TRARG1: variants seen among roughly 807,000 people sequenced by gnomAD.
The protein encoded by TRARG1 is trafficking regulator of GLUT4 1.
TRARG1 carries 16 observed loss-of-function variants against 13.3 expected under a neutral mutation model. The observed-to-expected ratio is 1.20, with a 90% CI of 0.81 to 1.83. The LOEUF is 1.83. Among genes scored for constraint, TRARG1 ranks in the 40% most tolerant of loss-of-function variants. The pLI, the probability that TRARG1 is intolerant of heterozygous loss-of-function variation, is 0.00. For missense variants in TRARG1, 250 were observed against 237.4 expected, an observed-to-expected ratio of 1.05 and a Z score of -0.35; for synonymous variants, 113 against 106.2, an observed-to-expected ratio of 1.06 and a Z score of -0.39.
chr17:1,293,418 GGTTTGATGATGTCACGAGTTGA>G (rs2072087137), intron 1 of TRARG1, among the ~76,000 whole-genome samples: 2 of 152,108 alleles, frequency 1.3e-5, no homozygotes, highest in Non-Finnish European at 2.9e-5. Context: ...GCGTGGGTTG[GGTTTGATGATGTCACGAGTTGA>G]GTTTGATGAT....
chr17:1,299,199 G>A lies in TRARG1; in HGVS notation c.*935G>A, dbSNP rs2150814108. 6.6e-6 allele frequency: 1 copy of A among 152,436 alleles called. No homozygotes were observed. The highest frequency in any genetic ancestry group is 6.5e-5 in the Admixed American group (1 of 15,278). 9.4% of individuals were successfully genotyped at this position (152,436 alleles called of 1,614,324 possible). The stretch of plus-strand genomic sequence containing the variant: ...GTCTGGTGCTGCTTAGGTAGTTTCA[G>A]GCTTCCAGCCCAGCCCTATGCTCTG... On this transcript the variant is annotated 3_prime_UTR_variant, in exon 3 of 3. Transcript: ENST00000333813.
chr17:1,296,860 G>A (rs962907043), intron 2 of TRARG1, among the ~76,000 whole-genome samples: 1 of 151,886 alleles, frequency 6.6e-6, no homozygotes, highest in South Asian at 2.1e-4. Context: ...GGCCAGGCTG[G>A]TCTCGAACTC....
intron 1 of TRARG1, among the ~76,000 whole-genome samples, chr17:1,291,368 C>G (rs2072068238): frequency 6.6e-6 from 1 of 152,210 alleles, no homozygotes; most frequent in African/African-American, 2.4e-5. Flanking sequence ...GCCTCGGCCT[C>G]CCAAACTGCT....
intron 1 of TRARG1, among the ~76,000 whole-genome samples, chr17:1,288,571 A>G (rs1160243454): frequency 1.6e-5 from 1 of 62,954 alleles, no homozygotes; most frequent in Admixed American, 2.2e-4. Context: ...TGGGTTCCCC[A>G]TCCCCCATGG....
intron 2 of TRARG1, among the ~76,000 whole-genome samples, chr17:1,296,486 C>G (rs184192837): frequency 6.7e-6 from 1 of 148,260 alleles, no homozygotes; most frequent in Admixed American, 6.8e-5. Flanking sequence ...TGAGCCGCCA[C>G]GCCCAGCCCA....
intron 1 of TRARG1, among the ~76,000 whole-genome samples, chr17:1,292,883 C>T (rs550370476): frequency 2.0e-4 from 31 of 152,258 alleles, no homozygotes; most frequent in African/African-American, 5.5e-4. Context: ...TGCTCCTCCG[C>T]GCTGCTGCGT....
In TRARG1 at chr17:1,298,430, C is replaced by T. The variant is rs900524529; in HGVS notation, c.*166C>T. ...CCCCCAGTCACCCACTGTCAGCCCC[C>T]ATCTGACAAGAAAGCCTGGAGCGAG... On this transcript the variant is annotated 3_prime_UTR_variant, in exon 3 of 3. Coordinates refer to ENST00000333813, the MANE Select transcript of TRARG1 (RefSeq NM_172367.3). The T allele has an allele frequency of 6.1e-6, 4 of 651,470 alleles. No individual in the cohort carries two copies. Among genetic ancestry groups the T allele is most frequent in the African/African-American group, 5.5e-5 (3 of 54,774 alleles). 40.4% of individuals were successfully genotyped at this position (651,470 alleles called of 1,614,324 possible). A position where few individuals can be genotyped will look rare whatever the true frequency, so the allele number is the denominator to read the frequency against.
At chr17:1,294,468 CTTTTTT>C (rs542504095) in intron 1 of TRARG1, among the ~76,000 whole-genome samples, 7 of 113,436 alleles carry the variant, frequency 6.2e-5, no homozygotes, top group Admixed American at 2.9e-4. Context: ...AAGACAGTGT[CTTTTTT>C]TTTTTTTTTT....
At chr17:1,298,211 C>T in intron 2 of TRARG1, 40 bp from the exon 3 acceptor site, 1 of 1,613,462 alleles carries the variant, frequency 6.2e-7, no homozygotes, top group Non-Finnish European at 8.5e-7. Flanking sequence ...AGCCAGTGTT[C>T]TGAGCCCTGT....
chr17:1,279,904 T>C lies in TRARG1; in HGVS notation c.-98T>C. On this transcript the variant is annotated 5_prime_UTR_variant, in exon 1 of 3. Transcript: ENST00000333813. ...CTGAGGGACGCCCCTGCCCCCGACC[T>C]GGAGGCCCTCAGTCTGGGCTGGGGA... 1 of 1,427,082 alleles carries C rather than the reference T, an allele frequency of 7.0e-7. No individual in the cohort carries two copies. The highest frequency in any genetic ancestry group is 9.4e-7 in the Non-Finnish European group (1 of 1,064,098). 88.4% of individuals were successfully genotyped at this position (1,427,082 alleles called of 1,614,324 possible).
intron 1 of TRARG1, 119 bp downstream of exon 1, chr17:1,280,507 G>T: frequency 1.7e-6 from 2 of 1,168,660 alleles, no homozygotes; most frequent in Non-Finnish European, 1.2e-6. Context: ...GGAGTGGGGG[G>T]CTTGGGGAAG....
At chr17:1,283,496 C>T (rs1252679069) in intron 1 of TRARG1, among the ~76,000 whole-genome samples, 2 of 152,168 alleles carry the variant, frequency 1.3e-5, no homozygotes, top group Non-Finnish European at 2.9e-5. Context: ...GGAACATTTG[C>T]CTCATCTCCA....
Position 1,295,583 on chromosome 17 carries a change from C to A in TRARG1, c.480C>A (p.Gly160=). ...TCAGCATTACCCTCATCATCATGGG[C>A]ATCGTCATTATCATGGTGGCCGTGA... ...RLLSITLIIM[G]IVIIMVAVTV... The change falls in exon 2 of 3, where the codon GGC becomes GGA. Residue 160 remains glycine (G), a synonymous_variant. Coordinates refer to ENST00000333813, the MANE Select transcript of TRARG1 (RefSeq NM_172367.3). The A allele has an allele frequency of 6.2e-7, 1 of 1,613,226 alleles. No homozygotes were observed. The highest frequency in any genetic ancestry group is 1.1e-5 in the South Asian group (1 of 91,016).
In TRARG1 at chr17:1,300,518, G is replaced by C. The variant is rs1376915712; in HGVS notation, c.*2254G>C. ...CCAGGACAGCCACAGCCACCGCTTA[G>C]GGGAAGCCACTGCAGATGCCCCTGG... is the stretch of plus-strand genomic sequence containing the variant. On this transcript the variant is annotated 3_prime_UTR_variant, in exon 3 of 3. Coordinates refer to ENST00000333813, the MANE Select transcript of TRARG1 (RefSeq NM_172367.3). 1 of 152,898 alleles carries C rather than the reference G, an allele frequency of 6.5e-6. No individual in the cohort carries two copies. The highest frequency in any genetic ancestry group is 1.9e-4 in the East Asian group (1 of 5,210). 9.5% of individuals were successfully genotyped at this position (152,898 alleles called of 1,614,324 possible). A position where few individuals can be genotyped will look rare whatever the true frequency, so the allele number is the denominator to read the frequency against.
chr17:1,294,658 G>A (rs139616900), intron 1 of TRARG1, among the ~76,000 whole-genome samples: 1,762 of 148,174 alleles, frequency 0.012, 11 homozygotes, highest in Middle Eastern at 0.056. Context: ...TAGAGACGGG[G>A]TTTCACCGTA....
intron 1 of TRARG1, among the ~76,000 whole-genome samples, chr17:1,282,069 CAT>C (rs765674152): frequency 1.3e-4 from 20 of 149,952 alleles, no homozygotes; most frequent in Non-Finnish European, 2.1e-4. Flanking sequence ...CATGTATACA[CAT>C]ATATACATAT....
intron 2 of TRARG1, among the ~76,000 whole-genome samples, chr17:1,296,111 A>C (rs1216197490): frequency 6.6e-6 from 1 of 152,260 alleles, no homozygotes; most frequent in Non-Finnish European, 1.5e-5. Flanking sequence ...GGTAGAATTC[A>C]AAAAGTAGGT....
intron 1 of TRARG1, 21 bp from the exon 2 acceptor site, chr17:1,295,468 GTC>G (rs1408652705): frequency 1.9e-6 from 3 of 1,571,492 alleles, no homozygotes; most frequent in South Asian, 2.3e-5. Flanking sequence ...GGTTCCCGGG[GTC>G]TCTCTGTGCT....
intron 2 of TRARG1, among the ~76,000 whole-genome samples, chr17:1,296,969 C>T (rs1364320905): frequency 6.7e-6 from 1 of 148,468 alleles, no homozygotes; most frequent in African/African-American, 2.6e-5. Context: ...TCAAAGGTGA[C>T]TCTCTGCTGT....
Sources: allele counts gnomAD v4.1 joint callset (sites outside exome capture counted in the v4.1 genomes callset), GRCh38; gene constraint gnomAD v4.1.1; transcripts MANE v1.5; gene names NCBI Gene and HGNC (gene_info 2026-07-23, HGNC 2026-07-21).